The following COL22A1 variants were observed in gnomAD, a reference collection of about 807,000 sequenced individuals.
The protein encoded by COL22A1 is collagen type XXII alpha 1 chain.
A neutral mutation model predicts 248.9 loss-of-function variants in COL22A1; 221 were observed. The ratio of observed to expected loss-of-function variants is 0.89; its 90% CI spans 0.80 to 0.99. COL22A1 has a LOEUF of 0.99. Among genes scored for constraint, COL22A1 ranks in the 50% least tolerant of loss-of-function variants. The probability of loss-of-function intolerance (pLI) is 0.00; values close to 1 mark genes in which losing one functional copy is unlikely to be tolerated. For synonymous variants in COL22A1, 891 were observed against 793.4 expected (o/e 1.12, Z -2.07); for missense variants, 2,240 against 2,179.0 (o/e 1.03, Z -0.56).
At chr8:138,872,197 C>T (rs1031166793) in intron 3 of COL22A1, among the ~76,000 whole-genome samples, 4 of 152,142 alleles carry the variant, frequency 2.6e-5, no homozygotes, top group African/African-American at 4.8e-5. Flanking sequence ...CACCCTCAGT[C>T]GTATTGGCAA....
chr8:138,635,472 A>G (rs1257812253), intron 48 of COL22A1, among the ~76,000 whole-genome samples: 1 of 152,240 alleles, frequency 6.6e-6, no homozygotes, highest in Non-Finnish European at 1.5e-5. Flanking sequence ...ATAAATGCAC[A>G]GAAACACAAT....
chr8:138,639,967 T>C (rs1234986595), intron 47 of COL22A1, among the ~76,000 whole-genome samples: 1 of 152,210 alleles, frequency 6.6e-6, no homozygotes, highest in East Asian at 1.9e-4. Flanking sequence ...AATTACCAGG[T>C]GAATCTAGGA....
At chr8:138,782,818 T>C (rs1815140643) in intron 12 of COL22A1, among the ~76,000 whole-genome samples, 2 of 142,402 alleles carry the variant, frequency 1.4e-5, no homozygotes, top group East Asian at 1.9e-4. Context: ...AGGCCCACGA[T>C]GACAGACGGA....
At chr8:138,777,007 A>G (rs1814525997) in intron 15 of COL22A1, among the ~76,000 whole-genome samples, 1 of 152,192 alleles carries the variant, frequency 6.6e-6, no homozygotes, top group Non-Finnish European at 1.5e-5. Context: ...ACGAGCTGAA[A>G]AAAGCACAGC....
At chr8:138,694,773 T>C in intron 33 of COL22A1, 53 bp downstream of exon 33, 1 of 1,588,838 alleles carries the variant, frequency 6.3e-7, no homozygotes, top group Non-Finnish European at 8.6e-7. Flanking sequence ...GCCTTTGGAG[T>C]CCGGGTCTCC....
In COL22A1 at chr8:138,897,404, T is replaced by G. The variant is rs181292158; in HGVS notation, c.-72-14160A>C. Among the ~76,000 whole-genome samples, 859 of 151,890 alleles carry G rather than the reference T, an allele frequency of 5.7e-3. 7 individuals are homozygous for G. Among genetic ancestry groups the G allele is most frequent in the African/African-American group, 0.02 (809 of 41,410 alleles). On this transcript the variant is annotated intron_variant, in intron 1 of 64. Coordinates refer to ENST00000303045, the MANE Select transcript of COL22A1 (RefSeq NM_152888.3). ...CTACTTAAAAAAATACAAACATTAG[T>G]TGGGCGTGGTGGCACATGCCTGTAA...
At chr8:138,748,464 G>A (rs16909547) in intron 22 of COL22A1, among the ~76,000 whole-genome samples, 4,157 of 152,302 alleles carry the variant, frequency 0.027, 213 homozygotes, top group East Asian at 0.22. Context: ...CTTTGGGGAC[G>A]CACAGCCGCA....
chr8:138,741,326 G>A (rs552912374), intron 22 of COL22A1, among the ~76,000 whole-genome samples: 10 of 152,310 alleles, frequency 6.6e-5, no homozygotes, highest in Non-Finnish European at 1.0e-4. Flanking sequence ...TAGAATTGCC[G>A]GGGTGGGGTA....
intron 42 of COL22A1, among the ~76,000 whole-genome samples, chr8:138,662,812 C>T (rs892139544): frequency 6.6e-6 from 1 of 152,160 alleles, no homozygotes; most frequent in Non-Finnish European, 1.5e-5. Context: ...CAGTTCACTA[C>T]GTAGTGCCTC....
chr8:138,866,694 G>A (rs1451759965), intron 3 of COL22A1, among the ~76,000 whole-genome samples: 1 of 152,256 alleles, frequency 6.6e-6, no homozygotes, highest in Non-Finnish European at 1.5e-5. Flanking sequence ...AGGCCCCATG[G>A]CCAGGCAGCG....
chr8:138,782,762 G>T (rs577724245), intron 12 of COL22A1, among the ~76,000 whole-genome samples: 1 of 152,196 alleles, frequency 6.6e-6, no homozygotes, highest in South Asian at 2.1e-4. Flanking sequence ...CTCTGCTGTG[G>T]GAACAGAATT....
intron 40 of COL22A1, 33 bp from the exon 41 acceptor site, chr8:138,676,668 C>A: frequency 6.8e-7 from 1 of 1,465,888 alleles, no homozygotes; most frequent in South Asian, 1.2e-5. Context: ...TCAAGGAGGT[C>A]AGTGCCAGGA....
intron 27 of COL22A1, among the ~76,000 whole-genome samples, chr8:138,720,279 G>A (rs1829767940): frequency 6.6e-6 from 1 of 152,150 alleles, no homozygotes; most frequent in African/African-American, 2.4e-5. Flanking sequence ...TTTCTGTAGG[G>A]TCAAGGGATT....
intron 56 of COL22A1, among the ~76,000 whole-genome samples, chr8:138,612,778 T>TA (rs1818971026): frequency 1.3e-5 from 2 of 150,712 alleles, no homozygotes; most frequent in South Asian, 4.2e-4. Context: ...AATAAAAAAA[T>TA]AAAAAAATAA....
chr8:138,759,169 C>T (rs986102188), intron 18 of COL22A1, among the ~76,000 whole-genome samples: 3 of 152,234 alleles, frequency 2.0e-5, no homozygotes, highest in African/African-American at 7.2e-5. Context: ...CATTAACTTT[C>T]TCCAGCCCCC....
intron 16 of COL22A1, among the ~76,000 whole-genome samples, chr8:138,764,248 A>G (rs1467678231): frequency 6.6e-6 from 1 of 151,748 alleles, no homozygotes; most frequent in African/African-American, 2.4e-5. Flanking sequence ...GGCAGGGGGA[A>G]CCTCCCGTGG....
chr8:138,728,000 C>G (rs576362487), intron 23 of COL22A1, among the ~76,000 whole-genome samples: 43 of 152,286 alleles, frequency 2.8e-4, no homozygotes, highest in African/African-American at 1.0e-3. Flanking sequence ...CTCCCACACA[C>G]TCCAGAGGCA....
chr8:138,906,043 C>T (rs930393901), intron 1 of COL22A1, among the ~76,000 whole-genome samples: 2 of 152,082 alleles, frequency 1.3e-5, no homozygotes, highest in African/African-American at 4.8e-5. Context: ...CTCCCACAGA[C>T]TCATGGATCT....
chr8:138,832,491 C>T (rs1043768920), intron 5 of COL22A1, among the ~76,000 whole-genome samples: 1 of 152,164 alleles, frequency 6.6e-6, no homozygotes, highest in Non-Finnish European at 1.5e-5. Flanking sequence ...GTGTCAGGAA[C>T]TGGACAAATC....
Sources: gnomAD v4.1 joint callset for allele counts (sites outside exome capture counted in the v4.1 genomes callset) on GRCh38, gnomAD v4.1.1 for gene constraint, MANE v1.5 for transcripts, NCBI Gene and HGNC (gene_info 2026-07-23, HGNC 2026-07-21) for gene names.